Variants in SLC24A3 observed in about 807,000 individuals in gnomAD.
SLC24A3 encodes solute carrier family 24 member 3.
SLC24A3 carries 28 observed loss-of-function variants against 75.8 expected under a neutral mutation model. The ratio of observed to expected loss-of-function variants is 0.37; its 90% CI spans 0.27 to 0.51. The LOEUF (loss-of-function observed/expected upper bound fraction) is 0.51. Among genes scored for constraint, SLC24A3 ranks in the 20% least tolerant of loss-of-function variants. The pLI is 0.94. For synonymous variants in SLC24A3, 372 were observed against 334.1 expected (o/e 1.11, Z -1.24); for missense variants, 663 against 847.8 (o/e 0.78, Z 2.71).
chr20:19,643,870 T>C (rs1200914592), intron 6 of SLC24A3, among the ~76,000 whole-genome samples: 1 of 152,242 alleles, frequency 6.6e-6, no homozygotes, highest in African/African-American at 2.4e-5. Flanking sequence ...TTAGGTTTTG[T>C]AATTCATAAA....
At chr20:19,629,648 A>T (rs980299684) in intron 6 of SLC24A3, among the ~76,000 whole-genome samples, 3 of 152,246 alleles carry the variant, frequency 2.0e-5, no homozygotes, top group Admixed American at 2.0e-4. Context: ...TCTTGAAAGC[A>T]GCAAGAGAAA....
At chr20:19,270,747 A>T (rs530591473) in intron 1 of SLC24A3, among the ~76,000 whole-genome samples, 10 of 151,320 alleles carry the variant, frequency 6.6e-5, no homozygotes, top group African/African-American at 2.2e-4. Context: ...TGGACATTGT[A>T]TGTATGTGAG....
At chr20:19,477,073 C>G (rs909118434) in intron 2 of SLC24A3, among the ~76,000 whole-genome samples, 1 of 152,062 alleles carries the variant, frequency 6.6e-6, no homozygotes, top group Non-Finnish European at 1.5e-5. Flanking sequence ...GGTCCTCACT[C>G]TGCTGACAGC....
At chr20:19,213,236 C>A in intron 1 of SLC24A3, 1 of 266,582 alleles carries the variant, frequency 3.8e-6, no homozygotes, top group Non-Finnish European at 6.9e-6. Context: ...TACCTGTGCC[C>A]GCCTGTGCGC....
chr20:19,602,692 C>T (rs1474949148), intron 6 of SLC24A3, among the ~76,000 whole-genome samples: 1 of 152,236 alleles, frequency 6.6e-6, no homozygotes, highest in East Asian at 1.9e-4. Flanking sequence ...AGAACTCCTT[C>T]TTCACAAGCA....
chr20:19,399,793 A>G (rs953983265), intron 2 of SLC24A3, among the ~76,000 whole-genome samples: 12 of 152,196 alleles, frequency 7.9e-5, no homozygotes, highest in South Asian at 4.1e-4. Context: ...GAAATCTACT[A>G]TCTACTTACT....
chr20:19,607,697 A>G (rs1443935957), intron 6 of SLC24A3, among the ~76,000 whole-genome samples: 1 of 152,108 alleles, frequency 6.6e-6, no homozygotes, highest in Non-Finnish European at 1.5e-5. Flanking sequence ...TTCCAAGTCC[A>G]CTGCACCATA....
At chr20:19,452,370 T>TG (rs1391232599) in intron 2 of SLC24A3, among the ~76,000 whole-genome samples, 1 of 122,082 alleles carries the variant, frequency 8.2e-6, no homozygotes, top group Non-Finnish European at 1.7e-5. Flanking sequence ...TGGGATCCTG[T>TG]GGGGGATGTG....
At chr20:19,439,530 T>C (rs1987264283) in intron 2 of SLC24A3, among the ~76,000 whole-genome samples, 2 of 152,162 alleles carry the variant, frequency 1.3e-5, no homozygotes, top group South Asian at 4.1e-4. Flanking sequence ...CCCATGTAAC[T>C]CCATACAAAT....
At chr20:19,692,269 AT>A (rs1311577310) in intron 12 of SLC24A3, among the ~76,000 whole-genome samples, 3 of 152,168 alleles carry the variant, frequency 2.0e-5, no homozygotes, top group African/African-American at 7.2e-5. Context: ...TGACTCAGCA[AT>A]TTTCCTGGGT....
At chr20:19,643,543 G>T (rs1300317282) in intron 6 of SLC24A3, among the ~76,000 whole-genome samples, 1 of 152,178 alleles carries the variant, frequency 6.6e-6, no homozygotes, top group East Asian at 1.9e-4. Context: ...TGGAGCATCT[G>T]TCCCCTGTGA....
chr20:19,515,668 G>C (rs2122558448), intron 3 of SLC24A3, 104 bp downstream of exon 3: 5 of 1,133,842 alleles, frequency 4.4e-6, no homozygotes, highest in Non-Finnish European at 6.5e-6. Context: ...CTGCCCTCCT[G>C]TTCCCACGCT....
chr20:19,223,429 A>AT (rs564495142), intron 1 of SLC24A3, among the ~76,000 whole-genome samples: 55 of 152,252 alleles, frequency 3.6e-4, no homozygotes, highest in African/African-American at 1.3e-3. Flanking sequence ...CTTTATTCAG[A>AT]TTTTTCCAGT....
chr20:19,228,668 A>C (rs918402780), intron 1 of SLC24A3, among the ~76,000 whole-genome samples: 10 of 152,006 alleles, frequency 6.6e-5, no homozygotes, highest in African/African-American at 2.4e-4. Context: ...TTAGCCATGG[A>C]TGTTGAATGT....
At chr20:19,709,737 G>A in intron 15 of SLC24A3, among the ~76,000 whole-genome samples, 1 of 152,124 alleles carries the variant, frequency 6.6e-6, no homozygotes, top group Non-Finnish European at 1.5e-5. Context: ...AACAAAAAGT[G>A]AGAATTTAGG....
chr20:19,550,481 A>G lies in SLC24A3; in HGVS notation c.349-29519A>G, dbSNP rs774128956. ...AATGAACACTCAGAAATTAAAAAGA[A>G]TAGTTCTACCTTCTTGACTTATGTG... On this transcript the variant is annotated intron_variant, in intron 3 of 16. Coordinates refer to ENST00000328041, the MANE Select transcript of SLC24A3 (RefSeq NM_020689.4). 2.6e-5 allele frequency among the ~76,000 whole-genome samples: 4 copies of G among 152,196 alleles called. No individual in the cohort carries two copies. In the East Asian group the frequency reaches 7.7e-4, roughly 29 times the overall value.
At chr20:19,719,510 G>A (rs2033079174) in intron 16 of SLC24A3, among the ~76,000 whole-genome samples, 1 of 151,930 alleles carries the variant, frequency 6.6e-6, no homozygotes, top group Non-Finnish European at 1.5e-5. Context: ...GGTGGGGTTG[G>A]GAGCTCTGTG....
At chr20:19,573,169 A>G (rs757046231) in intron 3 of SLC24A3, among the ~76,000 whole-genome samples, 7 of 152,232 alleles carry the variant, frequency 4.6e-5, no homozygotes, top group Non-Finnish European at 8.8e-5. Flanking sequence ...GATGCAACAT[A>G]AAACAGCAGG....
chr20:19,383,276 C>T (rs984411798), intron 2 of SLC24A3, among the ~76,000 whole-genome samples: 15 of 151,974 alleles, frequency 9.9e-5, no homozygotes, highest in Admixed American at 2.0e-4. Flanking sequence ...TATTTAATCC[C>T]GTACTTCAAA....
Sources: gnomAD v4.1 joint callset for allele counts (sites outside exome capture counted in the v4.1 genomes callset) on GRCh38, gnomAD v4.1.1 for gene constraint, MANE v1.5 for transcripts, NCBI Gene and HGNC (gene_info 2026-07-23, HGNC 2026-07-21) for gene names.